Variants in DCC observed in about 807,000 individuals in gnomAD.
DCC encodes the protein DCC netrin 1 receptor.
Under a neutral mutation model 172.5 loss-of-function variants are expected in DCC, and 58 were observed. The ratio of observed to expected loss-of-function variants is 0.34; its 90% CI spans 0.27 to 0.42. The LOEUF is 0.42. Among genes scored for constraint, DCC ranks in the 10% least tolerant of loss-of-function variants. DCC has a pLI of 1.00. For synonymous variants in DCC, 709 were observed against 644.5 expected (o/e 1.10, Z -1.52); for missense variants, 1,740 against 1,791.0 (o/e 0.97, Z 0.51).
At chr18:53,450,165 A>T (rs2045390577) in intron 22 of DCC, among the ~76,000 whole-genome samples, 1 of 151,690 alleles carries the variant, frequency 6.6e-6, no homozygotes, top group Non-Finnish European at 1.5e-5. Context: ...ACACACATAC[A>T]TATGCATACA....
intron 14 of DCC, among the ~76,000 whole-genome samples, chr18:53,328,447 C>G (rs2057492918): frequency 6.6e-6 from 1 of 152,130 alleles, no homozygotes; most frequent in South Asian, 2.1e-4. Context: ...ATAATGGCAA[C>G]AAAGTGCTCA....
At chr18:52,660,144 G>A (rs2035330486) in intron 1 of DCC, among the ~76,000 whole-genome samples, 1 of 152,094 alleles carries the variant, frequency 6.6e-6, no homozygotes, top group Non-Finnish European at 1.5e-5. Flanking sequence ...TTTATTTGGT[G>A]TGTAAACATA....
At chr18:52,559,952 T>C (rs1425083482) in intron 1 of DCC, among the ~76,000 whole-genome samples, 1 of 152,220 alleles carries the variant, frequency 6.6e-6, no homozygotes, top group African/African-American at 2.4e-5. Context: ...CTATAAACAA[T>C]ATCTTTGGGA....
intron 12 of DCC, among the ~76,000 whole-genome samples, chr18:53,301,000 T>TTTCTTTCTTTCTTTCC (rs1413588962): frequency 2.9e-5 from 3 of 102,984 alleles, no homozygotes; most frequent in African/African-American, 7.1e-5. Flanking sequence ...TTTTTTTTTC[T>TTTCTTTCTTTCTTTCC]TTTCTTTCTT....
chr18:53,268,156 T>C (rs1015220435), intron 12 of DCC, among the ~76,000 whole-genome samples: 2 of 152,130 alleles, frequency 1.3e-5, no homozygotes, highest in African/African-American at 2.4e-5. Flanking sequence ...ACAAGATTAA[T>C]ATTAAGTGTT....
At chr18:53,261,849 T>A (rs751090681) in intron 12 of DCC, among the ~76,000 whole-genome samples, 1 of 152,126 alleles carries the variant, frequency 6.6e-6, no homozygotes, top group African/African-American at 2.4e-5. Context: ...TCACCCCCAA[T>A]TAGTACTGGA....
chr18:53,391,380 A>G (rs1353849768), intron 16 of DCC, among the ~76,000 whole-genome samples: 4 of 152,348 alleles, frequency 2.6e-5, no homozygotes, highest in Admixed American at 1.3e-4. Context: ...TTTAAAATAT[A>G]TAAGCAGAAG....
In DCC at chr18:53,524,203, A is replaced by G. The variant is rs149902217; in HGVS notation, c.4112-2414A>G. Among the ~76,000 whole-genome samples, 267 of 152,174 alleles carry G rather than the reference A, an allele frequency of 1.8e-3. 4 individuals are homozygous for G. Among genetic ancestry groups the G allele is most frequent in the East Asian group, 0.017 (86 of 5,154 alleles). The stretch of plus-strand genomic sequence containing the variant: ...TTAAATAGCTTGATTTAGCCATTCT[A>G]TAATGTATATACATGTATCAAAACA... On this transcript the variant is annotated intron_variant, in intron 27 of 28. Coordinates refer to ENST00000442544, the MANE Select transcript of DCC (RefSeq NM_005215.4).
chr18:53,413,983 A>G (rs529293558), intron 20 of DCC, among the ~76,000 whole-genome samples: 1 of 152,312 alleles, frequency 6.6e-6, no homozygotes, highest in African/African-American at 2.4e-5. Flanking sequence ...GCTACATATA[A>G]TGCAACTGCC....
intron 13 of DCC, among the ~76,000 whole-genome samples, chr18:53,309,922 G>GTA (rs5825006): frequency 0.052 from 6,453 of 123,344 alleles, 223 homozygotes; most frequent in East Asian, 0.2. Flanking sequence ...ATATGTGCGT[G>GTA]TATATATATA....
intron 1 of DCC, among the ~76,000 whole-genome samples, chr18:52,522,126 A>G (rs2031838610): frequency 6.6e-6 from 1 of 152,228 alleles, no homozygotes; most frequent in African/African-American, 2.4e-5. Flanking sequence ...TAATAGATTA[A>G]GACATAGTTT....
At chr18:52,649,973 A>ATTTTT (rs71175512) in intron 1 of DCC, among the ~76,000 whole-genome samples, 12 of 106,896 alleles carry the variant, frequency 1.1e-4, no homozygotes, top group African/African-American at 1.8e-4. Context: ...TGATAGTTCT[A>ATTTTT]TTTTTTTTTT....
At chr18:52,805,223 G>T (rs17384993) in intron 2 of DCC, among the ~76,000 whole-genome samples, 1 of 152,108 alleles carries the variant, frequency 6.6e-6, no homozygotes, top group Non-Finnish European at 1.5e-5. Context: ...GCCTTTCAAC[G>T]CAAATGGAAT....
At position 53,510,899 on chromosome 18, in the gene DCC, T is replaced by G. The variant is rs190026131; in HGVS notation, c.4111+11389T>G. On this transcript the variant is annotated intron_variant, in intron 27 of 28. Coordinates refer to ENST00000442544, the MANE Select transcript of DCC (RefSeq NM_005215.4). ...CACATACTCCTCTCCTCTAAGATTG[T>G]CTGGCCTGTTCTGTTTCACTCAGCT... Among the ~76,000 whole-genome samples the G allele has an allele frequency of 5.3e-5, 8 of 152,334 alleles. No homozygotes were observed. In the East Asian group the frequency reaches 1.4e-3, roughly 26 times the overall value.
chr18:52,342,615 C>A (rs527570102), intron 1 of DCC, among the ~76,000 whole-genome samples: 1 of 152,206 alleles, frequency 6.6e-6, no homozygotes, highest in Non-Finnish European at 1.5e-5. Flanking sequence ...GAGACCTATG[C>A]GGACGGGAAA....
chr18:53,346,714 TA>T (rs1277081474), intron 15 of DCC, among the ~76,000 whole-genome samples: 2 of 152,220 alleles, frequency 1.3e-5, no homozygotes, highest in East Asian at 3.8e-4. Flanking sequence ...AGCATAGTTA[TA>T]AAAGTTACTT....
At chr18:52,619,443 AT>A (rs902969601) in intron 1 of DCC, among the ~76,000 whole-genome samples, 4 of 152,052 alleles carry the variant, frequency 2.6e-5, no homozygotes, top group Non-Finnish European at 5.9e-5. Flanking sequence ...CTGCTTCTGG[AT>A]TGGTTTTTTG....
intron 2 of DCC, among the ~76,000 whole-genome samples, chr18:52,868,808 G>A (rs2039270657): frequency 6.6e-6 from 1 of 152,200 alleles, no homozygotes; most frequent in African/African-American, 2.4e-5. Context: ...GAGCACCAAG[G>A]GGTGTGGGAG....
At chr18:53,433,834 T>C (rs1911780667) in intron 21 of DCC, among the ~76,000 whole-genome samples, 1 of 152,174 alleles carries the variant, frequency 6.6e-6, no homozygotes, top group African/African-American at 2.4e-5. Context: ...ATACTCACAG[T>C]CATTGTCCCA....
Sources: gnomAD v4.1 joint callset for allele counts (sites outside exome capture counted in the v4.1 genomes callset) on GRCh38, gnomAD v4.1.1 for gene constraint, MANE v1.5 for transcripts, NCBI Gene and HGNC (gene_info 2026-07-23, HGNC 2026-07-21) for gene names.